The following NEDD8 variants were observed in gnomAD, a reference collection of about 807,000 sequenced individuals.
NEDD8 encodes ubiquitin-like protein NEDD8.
Under a neutral mutation model 13.8 loss-of-function variants are expected in NEDD8, and 1 was observed. The ratio of observed to expected loss-of-function variants is 0.07; its 90% confidence interval spans 0.03 to 0.34. The LOEUF (loss-of-function observed/expected upper bound fraction) is 0.34, where lower values mean the gene tolerates loss of function less well. Among genes scored for constraint, NEDD8 ranks in the 10% least tolerant of loss-of-function variants. NEDD8 has a pLI of 0.99. For synonymous variants in NEDD8, 31 were observed against 33.2 expected, an observed-to-expected ratio of 0.93 and a Z score of 0.23; for missense variants, 10 against 95.2, an observed-to-expected ratio of 0.10 and a Z score of 3.73.
intron 1 of NEDD8, among the ~76,000 whole-genome samples, chr14:24,220,135 T>C (rs1328967367): frequency 6.6e-6 from 1 of 152,182 alleles, no homozygotes; most frequent in African/African-American, 2.4e-5. Context: ...TCCTGTATGA[T>C]GTGTAGACCT....
chr14:24,220,688 A>C (rs1455358989), intron 1 of NEDD8, among the ~76,000 whole-genome samples: 1 of 152,222 alleles, frequency 6.6e-6, no homozygotes, highest in African/African-American at 2.4e-5. Context: ...TAATCCTCCC[A>C]GTATTTATGA....
intron 1 of NEDD8, among the ~76,000 whole-genome samples, chr14:24,229,561 G>A (rs969310593): frequency 6.6e-5 from 10 of 152,138 alleles, no homozygotes; most frequent in African/African-American, 2.4e-4. Context: ...ACCCATCAGT[G>A]GGCAGGTCTC....
chr14:24,226,198 CA>C (rs1274768715), intron 1 of NEDD8, among the ~76,000 whole-genome samples: 3 of 151,422 alleles, frequency 2.0e-5, no homozygotes, highest in African/African-American at 4.9e-5. Flanking sequence ...AGGCTGTATA[CA>C]AGGAAGTTCT....
rs2039749048 is a variant in NEDD8 at position 24,218,666 on chromosome 14, C to T, written c.19-235G>A. ...TTTGAACCATCTGATCCTCTTAATT[C>T]CATGAGTCATCTTCCAACATCAGTC... On this transcript the variant is annotated intron_variant, in intron 1 of 3. Coordinates refer to ENST00000250495, the MANE Select transcript of NEDD8 (RefSeq NM_006156.3). 1.0e-5 allele frequency: 6 copies of T among 593,626 alleles called. No homozygotes were observed. In the Admixed American group the frequency reaches 1.8e-4, roughly 18 times the overall value. 36.8% of individuals were successfully genotyped at this position (593,626 alleles called of 1,614,324 possible).
At chr14:24,222,672 T>A (rs1041842511) in intron 1 of NEDD8, among the ~76,000 whole-genome samples, 3 of 152,186 alleles carry the variant, frequency 2.0e-5, no homozygotes, top group African/African-American at 7.2e-5. Context: ...AGAGGTAAAA[T>A]TTTAATATTT....
At position 24,232,250 on chromosome 14, in the gene NEDD8, C is replaced by T; in HGVS notation, c.18G>A (p.Lys6=). The T allele has an allele frequency of 6.2e-7, 1 of 1,614,140 alleles. No homozygotes were observed. ...TTGGCAAGGCTGGAGGTGCTCCCAC[C>T]TTCACTTTAATTAGCATCTTCTTTC... The part of the protein sequence containing the change: MLIKV[K]TLTGKEIEID... The change falls in exon 1 of 4, where the codon AAG becomes AAA. Residue 6 remains lysine (K), a splice_region_variant and synonymous_variant. Coordinates refer to ENST00000250495, the MANE Select transcript of NEDD8 (RefSeq NM_006156.3).
At chr14:24,219,475 C>CA (rs59964484) in intron 1 of NEDD8, among the ~76,000 whole-genome samples, 513 of 33,350 alleles carry the variant, frequency 0.015, 31 homozygotes, top group Middle Eastern at 0.053. Context: ...AACACCCTCG[C>CA]AAAAAAAAAA....
At chr14:24,232,110 C>A in intron 1 of NEDD8, 140 bp downstream of exon 1, 1 of 1,373,730 alleles carries the variant, frequency 7.3e-7, no homozygotes. Context: ...CTATTTCCCA[C>A]CACCCCTCGC....
At chr14:24,227,013 G>A (rs1301741919) in intron 1 of NEDD8, 3 of 152,116 alleles carry the variant, frequency 2.0e-5, no homozygotes, top group Non-Finnish European at 4.4e-5. Context: ...TAATAAGAAG[G>A]AATAAACCAC....
intron 1 of NEDD8, among the ~76,000 whole-genome samples, chr14:24,223,004 T>A (rs997660964): frequency 1.4e-5 from 2 of 143,332 alleles, no homozygotes; most frequent in African/African-American, 5.2e-5. Context: ...GAGAATCGCC[T>A]GAACCCAGGA....
At chr14:24,230,218 CAA>C (rs560583502) in intron 1 of NEDD8, among the ~76,000 whole-genome samples, 1 of 73,848 alleles carries the variant, frequency 1.4e-5, no homozygotes, top group African/African-American at 6.5e-5. Context: ...GACTCTGTCT[CAA>C]AAAAAAAAAA....
chr14:24,222,766 A>T (rs2039827793), intron 1 of NEDD8, among the ~76,000 whole-genome samples: 1 of 152,154 alleles, frequency 6.6e-6, no homozygotes, highest in African/African-American at 2.4e-5. Flanking sequence ...ACCAAATCCT[A>T]AAAATCCTGT....
chr14:24,231,349 G>A (rs1300956178), intron 1 of NEDD8, among the ~76,000 whole-genome samples: 2 of 152,172 alleles, frequency 1.3e-5, no homozygotes, highest in African/African-American at 4.8e-5. Flanking sequence ...TGGAAGGACT[G>A]GGGAAGAGAA....
chr14:24,217,542 A>G (rs2039730062), intron 3 of NEDD8, among the ~76,000 whole-genome samples: 1 of 152,172 alleles, frequency 6.6e-6, no homozygotes, highest in Non-Finnish European at 1.5e-5. Context: ...CACCCCCTTC[A>G]GCCTCCCAAA....
chr14:24,229,862 A>G (rs1277289084), intron 1 of NEDD8, among the ~76,000 whole-genome samples: 2 of 152,062 alleles, frequency 1.3e-5, no homozygotes, highest in Non-Finnish European at 2.9e-5. Flanking sequence ...CACTAGGTCA[A>G]GAGATCGATA....
intron 1 of NEDD8, among the ~76,000 whole-genome samples, chr14:24,223,098 A>AC (rs1446940270): frequency 2.0e-5 from 3 of 151,108 alleles, no homozygotes; most frequent in African/African-American, 7.3e-5. Flanking sequence ...AAAAAAAAAA[A>AC]AAAAAAAAAA....
At chr14:24,218,550 C>T in intron 1 of NEDD8, 119 bp from the exon 2 acceptor site, 2 of 1,387,028 alleles carry the variant, frequency 1.4e-6, no homozygotes, top group Non-Finnish European at 2.0e-6. Flanking sequence ...ATATTCTCAG[C>T]AGCACTGCTT....
At chr14:24,230,724 T>G (rs2039984831) in intron 1 of NEDD8, among the ~76,000 whole-genome samples, 1 of 150,978 alleles carries the variant, frequency 6.6e-6, no homozygotes, top group Non-Finnish European at 1.5e-5. Context: ...GTTCAAGGGA[T>G]TCTCCTGCCT....
intron 3 of NEDD8, 79 bp from the exon 4 acceptor site, chr14:24,217,302 T>C (rs2039721463): frequency 2.3e-6 from 3 of 1,279,744 alleles, no homozygotes; most frequent in Admixed American, 2.1e-5. Context: ...GTTGTTGTTG[T>C]TGTTTTTGAC....
Sources: gnomAD v4.1 joint callset for allele counts (sites outside exome capture counted in the v4.1 genomes callset) on GRCh38, gnomAD v4.1.1 for gene constraint, MANE v1.5 for transcripts, NCBI Gene and HGNC (gene_info 2026-07-23, HGNC 2026-07-21) for gene names.